The following FRMD5 variants were observed in gnomAD, a reference collection of about 807,000 sequenced individuals.
FRMD5 encodes the protein FERM domain-containing protein 5.
In FRMD5, 20 loss-of-function variants were observed where a neutral mutation model predicts 69.0. The observed-to-expected ratio is 0.29, with a 90% CI of 0.20 to 0.42. FRMD5 has a LOEUF of 0.42. Ranked by LOEUF, FRMD5 falls within the 10% of genes least tolerant of loss-of-function variation. The pLI is 1.00. For synonymous variants in FRMD5, 271 were observed against 260.1 expected (o/e 1.04, Z -0.40); for missense variants, 595 against 708.6 (o/e 0.84, Z 1.82).
chr15:44,121,288 G>T (rs1373753462), intron 1 of FRMD5, among the ~76,000 whole-genome samples: 2 of 146,024 alleles, frequency 1.4e-5, no homozygotes, highest in African/African-American at 2.5e-5. Context: ...GTGGGAGGGG[G>T]AGTCAGCTTT....
chr15:43,949,975 G>A (rs2090002193), intron 1 of FRMD5, among the ~76,000 whole-genome samples: 1 of 152,196 alleles, frequency 6.6e-6, no homozygotes, highest in African/African-American at 2.4e-5. Context: ...CACGTGTCAG[G>A]CAGCCAGGAG....
intron 4 of FRMD5, chr15:43,919,008 T>G: frequency 3.4e-6 from 1 of 291,348 alleles, no homozygotes; most frequent in Middle Eastern, 1.3e-3. Context: ...AGTTTATCCA[T>G]TTTGATTTTA....
At chr15:44,077,667 TCAAA>T (rs893764446) in intron 1 of FRMD5, among the ~76,000 whole-genome samples, 6 of 152,032 alleles carry the variant, frequency 3.9e-5, no homozygotes, top group Non-Finnish European at 7.4e-5. Context: ...CACCTTTCCT[TCAAA>T]CAGATAGGGG....
At chr15:44,046,525 G>A (rs1171368110) in intron 1 of FRMD5, among the ~76,000 whole-genome samples, 1 of 152,100 alleles carries the variant, frequency 6.6e-6, no homozygotes, top group Non-Finnish European at 1.5e-5. Flanking sequence ...AAAGTACAAT[G>A]GGCCATGCAC....
chr15:43,929,388 A>G (rs1199075699), intron 1 of FRMD5, among the ~76,000 whole-genome samples: 1 of 152,224 alleles, frequency 6.6e-6, no homozygotes. Context: ...AGAGAAGCCA[A>G]GATGCAGAAA....
chr15:44,108,763 A>G (rs1004573040), intron 1 of FRMD5, among the ~76,000 whole-genome samples: 64 of 152,170 alleles, frequency 4.2e-4, no homozygotes, highest in African/African-American at 1.4e-3. Context: ...TAGGAGTTGG[A>G]GACCAGCCTG....
At chr15:44,186,470 T>G (rs1351427946) in intron 1 of FRMD5, among the ~76,000 whole-genome samples, 1 of 152,076 alleles carries the variant, frequency 6.6e-6, no homozygotes, top group African/African-American at 2.4e-5. Context: ...GACTAAGGAG[T>G]GCCTGGATGG....
chr15:44,082,502 T>C (rs991410618), intron 1 of FRMD5, among the ~76,000 whole-genome samples: 1 of 151,994 alleles, frequency 6.6e-6, no homozygotes, highest in Admixed American at 6.6e-5. Flanking sequence ...ACAAATTGCA[T>C]TCAGTATTCT....
At position 44,172,272 on chromosome 15, in the gene FRMD5, CT is replaced by C. The variant is rs769999651; in HGVS notation, c.102+22680del. On this transcript the variant is annotated intron_variant, in intron 1 of 13. Coordinates refer to ENST00000417257, the MANE Select transcript of FRMD5 (RefSeq NM_032892.5). ...TATTTGGCTTTCTTTTTCTCTTTTT[CT>C]TTTTTTTTTTTTTTTAATTTCTGAG... Among the ~76,000 whole-genome samples the C allele has an allele frequency of 8.7e-3, 1,199 of 137,326 alleles. 4 individuals carry two copies. The highest frequency in any genetic ancestry group is 0.021 in the East Asian group (101 of 4,762). 90.1% of individuals were successfully genotyped at this position (137,326 alleles called of 152,430 possible).
intron 1 of FRMD5, among the ~76,000 whole-genome samples, chr15:44,126,542 G>C (rs563560431): frequency 5.9e-5 from 9 of 152,238 alleles, no homozygotes; most frequent in Non-Finnish European, 1.0e-4. Context: ...ACAATGACAT[G>C]ATCCTGCCAT....
At chr15:43,929,117 T>A (rs1264882531) in intron 1 of FRMD5, among the ~76,000 whole-genome samples, 1 of 152,222 alleles carries the variant, frequency 6.6e-6, no homozygotes, top group African/African-American at 2.4e-5. Context: ...TTGGAATCAC[T>A]GTGCAGCTCT....
intron 1 of FRMD5, among the ~76,000 whole-genome samples, chr15:44,090,965 G>C (rs1413341564): frequency 6.6e-6 from 1 of 152,082 alleles, no homozygotes; most frequent in Non-Finnish European, 1.5e-5. Context: ...AACACAACCA[G>C]CTTGGGGACC....
At chr15:44,171,655 G>A (rs2077806062) in intron 1 of FRMD5, among the ~76,000 whole-genome samples, 1 of 152,076 alleles carries the variant, frequency 6.6e-6, no homozygotes, top group Admixed American at 6.6e-5. Context: ...AACTGGCATT[G>A]ATACTTCACC....
At chr15:44,130,445 A>T (rs2077083095) in intron 1 of FRMD5, among the ~76,000 whole-genome samples, 1 of 152,210 alleles carries the variant, frequency 6.6e-6, no homozygotes, top group Admixed American at 6.5e-5. Context: ...GCTCACTAGT[A>T]AAGCTTAGTT....
At chr15:44,046,292 TAATA>T (rs1270400133) in intron 1 of FRMD5, among the ~76,000 whole-genome samples, 1 of 152,062 alleles carries the variant, frequency 6.6e-6, no homozygotes, top group Non-Finnish European at 1.5e-5. Context: ...AAAGGGGAAT[TAATA>T]AATAGCTACA....
At chr15:44,152,771 T>C (rs1458999437) in intron 1 of FRMD5, among the ~76,000 whole-genome samples, 1 of 152,214 alleles carries the variant, frequency 6.6e-6, no homozygotes, top group Non-Finnish European at 1.5e-5. Context: ...CTTGATGACA[T>C]ATTTTGTCTG....
At chr15:44,103,126 T>C (rs543460413) in intron 1 of FRMD5, among the ~76,000 whole-genome samples, 11 of 152,262 alleles carry the variant, frequency 7.2e-5, no homozygotes, top group South Asian at 2.1e-4. Context: ...ATTGGATGCA[T>C]TGTCCTCATG....
intron 1 of FRMD5, among the ~76,000 whole-genome samples, chr15:44,036,676 CTAGCTTG>C (rs1891927116): frequency 2.0e-5 from 3 of 152,240 alleles, no homozygotes; most frequent in Admixed American, 2.0e-4. Context: ...CTTGAACTCA[CTAGCTTG>C]TAGATTCTCT....
At chr15:43,998,202 C>T (rs1369676399) in intron 1 of FRMD5, among the ~76,000 whole-genome samples, 8 of 152,200 alleles carry the variant, frequency 5.3e-5, no homozygotes, top group Non-Finnish European at 1.0e-4. Flanking sequence ...AGACTATCGC[C>T]TTTTAGTTCT....
Sources: gnomAD v4.1 joint callset for allele counts (sites outside exome capture counted in the v4.1 genomes callset) on GRCh38, gnomAD v4.1.1 for gene constraint, MANE v1.5 for transcripts, NCBI Gene and HGNC (gene_info 2026-07-23, HGNC 2026-07-21) for gene names.